ACACA: variants seen among roughly 807,000 people sequenced by gnomAD.
ACACA encodes the protein acetyl-CoA carboxylase alpha.
ACACA carries 103 observed loss-of-function variants against 296.1 expected under a neutral mutation model. The observed-to-expected ratio is 0.35, with a 90% CI of 0.30 to 0.41. The LOEUF is 0.41. Among genes scored for constraint, ACACA ranks in the 10% least tolerant of loss-of-function variants. The pLI is 1.00. For missense variants in ACACA, 1,554 were observed against 2,989.7 expected, an observed-to-expected ratio of 0.52 and a Z score of 11.20; for synonymous variants, 953 against 1,038.6, an observed-to-expected ratio of 0.92 and a Z score of 1.58.
At chr17:37,273,618 G>GCT (rs916365091) in intron 9 of ACACA, among the ~76,000 whole-genome samples, 2 of 152,024 alleles carry the variant, frequency 1.3e-5, no homozygotes, top group South Asian at 2.1e-4. Flanking sequence ...GCTGAATTAA[G>GCT]CTCTCTCTCT....
At chr17:37,135,728 G>C (rs1037578258) in intron 45 of ACACA, among the ~76,000 whole-genome samples, 5 of 152,144 alleles carry the variant, frequency 3.3e-5, no homozygotes, top group African/African-American at 1.2e-4. Flanking sequence ...GTAAGGAACA[G>C]AGACTCATTT....
chr17:37,368,143 G>A (rs1304158050), intron 1 of ACACA, among the ~76,000 whole-genome samples: 3 of 151,492 alleles, frequency 2.0e-5, no homozygotes, highest in Non-Finnish European at 4.4e-5. Flanking sequence ...GCAACAGAGT[G>A]GAGGCCCTGT....
At chr17:37,180,403 T>C (rs902664371) in intron 40 of ACACA, among the ~76,000 whole-genome samples, 6 of 152,210 alleles carry the variant, frequency 3.9e-5, no homozygotes, top group African/African-American at 1.4e-4. Context: ...TACGGCTACA[T>C]ATATTACTTT....
At chr17:37,322,444 T>C (rs773784299) in intron 3 of ACACA, among the ~76,000 whole-genome samples, 1 of 152,164 alleles carries the variant, frequency 6.6e-6, no homozygotes, top group African/African-American at 2.4e-5. Flanking sequence ...TCAAATACTA[T>C]TGATATGGGA....
intron 10 of ACACA, among the ~76,000 whole-genome samples, chr17:37,265,263 A>G (rs1400547885): frequency 1.3e-5 from 2 of 152,206 alleles, no homozygotes; most frequent in Non-Finnish European, 2.9e-5. Context: ...CAAAGGGTGT[A>G]CATACAGGAA....
intron 29 of ACACA, among the ~76,000 whole-genome samples, chr17:37,217,221 A>G (rs1001671132): frequency 2.2e-5 from 3 of 138,450 alleles, no homozygotes; most frequent in African/African-American, 8.3e-5. Context: ...AGATAGCACC[A>G]CTGCACTCCA....
At chr17:37,227,037 T>A (rs2079571977) in intron 25 of ACACA, among the ~76,000 whole-genome samples, 2 of 152,194 alleles carry the variant, frequency 1.3e-5, no homozygotes, top group South Asian at 4.1e-4. Flanking sequence ...CTCTTCTTCC[T>A]GTACCAAGAA....
At chr17:37,375,370 C>T (rs1357880363) in intron 1 of ACACA, among the ~76,000 whole-genome samples, 1 of 151,972 alleles carries the variant, frequency 6.6e-6, no homozygotes, top group East Asian at 1.9e-4. Flanking sequence ...GCCTGTAGTC[C>T]CACCTACTCA....
At chr17:37,384,155 T>A (rs1403285739) in intron 1 of ACACA, among the ~76,000 whole-genome samples, 4 of 152,086 alleles carry the variant, frequency 2.6e-5, no homozygotes. Flanking sequence ...TCCCAGACAG[T>A]CTGCATAGGA....
At chr17:37,290,943 G>C (rs143401512) in intron 3 of ACACA, among the ~76,000 whole-genome samples, 1 of 151,728 alleles carries the variant, frequency 6.6e-6, no homozygotes, top group African/African-American at 2.4e-5. Flanking sequence ...TTAGTCGGGC[G>C]TGGTGGCGTG....
At chr17:37,227,230 A>G (rs1287895873) in intron 25 of ACACA, among the ~76,000 whole-genome samples, 1 of 152,232 alleles carries the variant, frequency 6.6e-6, no homozygotes, top group Non-Finnish European at 1.5e-5. Context: ...CCAGTGGAAT[A>G]TCAGTTTATT....
chr17:37,275,995 A>T lies in ACACA; in HGVS notation c.857T>A (p.Val286Glu). 6.2e-7 allele frequency: 1 copy of T among 1,614,226 alleles called. No homozygotes were observed. Among genetic ancestry groups the T allele is most frequent in the Non-Finnish European group, 8.5e-7 (1 of 1,180,028 alleles). ...AGTTGGGATACCTGCAGTTTGAGCC[A>T]CTATGGAAGATGCAATCTTATCCCC... is the stretch of plus-strand genomic sequence containing the variant. ...ALGDKIASSIVAQTAGIPTLP... is the reference protein window; with the variant it reads ...ALGDKIASSIEAQTAGIPTLP... The change falls in exon 8 of 56, where the codon GTG becomes GAG. Residue 286 changes from valine to glutamate, a missense_variant. By Grantham distance (121) the Val-to-Glu change is moderately radical. Coordinates refer to ENST00000616317, the MANE Select transcript of ACACA (RefSeq NM_198834.3).
intron 28 of ACACA, chr17:37,222,046 A>G (rs1193258052): frequency 3.4e-6 from 2 of 593,898 alleles, no homozygotes; most frequent in African/African-American, 3.7e-5. Flanking sequence ...ACTAATGAAA[A>G]CAAAACTAGG....
At position 37,277,941 on chromosome 17, in the gene ACACA, T is replaced by C. The variant is rs141386281; in HGVS notation, c.675A>G (p.Ala225=). The change falls in exon 6 of 56, where the codon GCA becomes GCG. Residue 225 remains alanine (A), a synonymous_variant. Transcript: ENST00000616317. ...CAATATCAAGAATTAATTCCACATT[T>C]GCATAGTTGTTGTTGTTTGGTCCTC... ...VPGGPNNNNY[A]NVELILDIAK... is the part of the protein sequence containing the mutation. The C allele has an allele frequency of 5.0e-6, 8 of 1,613,988 alleles. No individual in the cohort carries two copies. The African/African-American group carries it at 8.0e-5, about 16-fold the overall frequency.
intron 41 of ACACA, among the ~76,000 whole-genome samples, chr17:37,166,441 A>G (rs1430169157): frequency 6.6e-6 from 1 of 152,154 alleles, no homozygotes; most frequent in East Asian, 1.9e-4. Context: ...ACCCTGCCTC[A>G]CTTTTAAAAA....
At chr17:37,349,130 C>T (rs973345080) in intron 1 of ACACA, among the ~76,000 whole-genome samples, 11 of 149,664 alleles carry the variant, frequency 7.3e-5, no homozygotes, top group African/African-American at 2.7e-4. Flanking sequence ...GCGTGATCGC[C>T]GCTCACTGCA....
At chr17:37,328,276 G>C (rs1568002111) in intron 3 of ACACA, among the ~76,000 whole-genome samples, 1 of 152,158 alleles carries the variant, frequency 6.6e-6, no homozygotes, top group Admixed American at 6.5e-5. Flanking sequence ...CTATCAAAAA[G>C]TATTTTGTGG....
At chr17:37,170,277 C>T (rs2076836026) in intron 41 of ACACA, among the ~76,000 whole-genome samples, 1 of 151,808 alleles carries the variant, frequency 6.6e-6, no homozygotes, top group Non-Finnish European at 1.5e-5. Flanking sequence ...TCTTTGGCTA[C>T]ATTCTGATTC....
intron 1 of ACACA, among the ~76,000 whole-genome samples, chr17:37,364,994 A>G (rs1477325910): frequency 6.6e-6 from 1 of 151,794 alleles, no homozygotes; most frequent in Non-Finnish European, 1.5e-5. Flanking sequence ...TTTTTCTGAG[A>G]CAGAGTCTCG....
Sources: gnomAD v4.1 joint callset for allele counts (sites outside exome capture counted in the v4.1 genomes callset) on GRCh38, gnomAD v4.1.1 for gene constraint, MANE v1.5 for transcripts, NCBI Gene and HGNC (gene_info 2026-07-23, HGNC 2026-07-21) for gene names.